Variants in TTC23L observed in about 807,000 individuals in gnomAD.
TTC23L encodes the protein tetratricopeptide repeat protein 23-like.
A neutral mutation model predicts 48.1 loss-of-function variants in TTC23L; 42 were observed. The observed-to-expected ratio is 0.87, with a 90% CI of 0.68 to 1.13. The LOEUF is 1.13. Ranked by LOEUF, TTC23L falls within the 50% of genes most tolerant of loss-of-function variation. The probability of loss-of-function intolerance (pLI) is 0.00; values close to 1 mark genes in which losing one functional copy is unlikely to be tolerated. For missense variants in TTC23L, 391 were observed against 421.0 expected, an observed-to-expected ratio of 0.93 and a Z score of 0.62; for synonymous variants, 159 against 157.2, an observed-to-expected ratio of 1.01 and a Z score of -0.09.
At chr5:34,847,480 GTTTT>G (rs3996923) in intron 3 of TTC23L, among the ~76,000 whole-genome samples, 51 of 146,328 alleles carry the variant, frequency 3.5e-4, no homozygotes, top group African/African-American at 8.5e-4. Context: ...CAATAACGCT[GTTTT>G]TTTTTTTTTT....
At chr5:34,840,693 A>G (rs1178048897) in exon 2 of TTC23L, 1 of 1,613,994 alleles carries the variant, frequency 6.2e-7, no homozygotes, top group Non-Finnish European at 8.5e-7. Flanking sequence ...CCCCATCCGT[A>G]TCCCAACTGT....
the TTC23L span, among the ~76,000 whole-genome samples, chr5:34,904,838 G>A: frequency 6.6e-6 from 1 of 152,080 alleles, no homozygotes; most frequent in African/African-American, 2.4e-5. Flanking sequence ...AGGCCACAGG[G>A]TTTACTAGAT....
intron 8 of TTC23L, among the ~76,000 whole-genome samples, chr5:34,876,809 AG>A (rs1308533026): frequency 6.9e-6 from 1 of 144,442 alleles, no homozygotes; most frequent in Admixed American, 7.0e-5. Flanking sequence ...GGACACAGGG[AG>A]GGGAACATCA....
intron 9 of TTC23L, among the ~76,000 whole-genome samples, chr5:34,894,883 AATG>A (rs79554898): frequency 0.14 from 21,423 of 150,816 alleles, 1,632 homozygotes; most frequent in Middle Eastern, 0.24. Context: ...TGAGAGTGTT[AATG>A]ATGATGATGA....
chr5:34,840,242 G>GGT (rs1554016506), intron 1 of TTC23L, among the ~76,000 whole-genome samples: 3 of 143,082 alleles, frequency 2.1e-5, no homozygotes, highest in Non-Finnish European at 3.1e-5. Flanking sequence ...GACCCCGGGG[G>GGT]GGGGGGGGAA....
chr5:34,851,562 T>C (rs1001410720), intron 4 of TTC23L, among the ~76,000 whole-genome samples: 5 of 152,168 alleles, frequency 3.3e-5, no homozygotes, highest in East Asian at 1.9e-4. Flanking sequence ...AGAACACGTG[T>C]TGTGTTCTGA....
chr5:34,862,869 T>G (rs746342208), intron 4 of TTC23L, 29 bp from the exon 5 acceptor site: 9 of 1,612,206 alleles, frequency 5.6e-6, no homozygotes, highest in South Asian at 1.1e-5. Context: ...ATGTCTGTCT[T>G]CTTGCTCCTC....
In TTC23L at chr5:34,897,241, C is replaced by T. The variant is rs1048685038; in HGVS notation, c.*97+366C>T. 5.3e-5 allele frequency among the ~76,000 whole-genome samples: 8 copies of T among 151,760 alleles called. No individual in the cohort carries two copies. The South Asian group carries it at 1.7e-3, about 32-fold the overall frequency. ...CTCTACTAAAATACAAAAAATTAGC[C>T]GGGCGTGGTAGCATGCGCCTGTAGT... On this transcript the variant is annotated intron_variant, in intron 10 of 10. Coordinates refer to ENST00000505624, the Ensembl canonical transcript of TTC23L.
Position 34,863,097 on chromosome 5 carries a change from G to GGCCACACAT in TTC23L, c.536+48_536+56dup. On this transcript the variant is annotated intron_variant, in intron 5 of 10. Coordinates refer to ENST00000505624, the Ensembl canonical transcript of TTC23L. The surrounding 1 kb of genome is among the most constrained non-coding windows in gnomAD (Gnocchi z 4.1). Reference sequence around the variant, plus strand: ...GCTGCGTTTAGTGTTCGGGGCCACAGGCCACACATGCCAGATGGGTCATCT... The same window carrying GGCCACACAT: ...GCTGCGTTTAGTGTTCGGGGCCACAGGCCACACATGCCACACATGCCAGATGGGTCATCT... 1.2e-6 allele frequency: 2 copies of GGCCACACAT among 1,610,124 alleles called. No individual in the cohort carries two copies. The highest frequency in any genetic ancestry group is 1.7e-6 in the Non-Finnish European group (2 of 1,177,736).
chr5:34,886,255 T>C (rs1426233668), intron 9 of TTC23L, among the ~76,000 whole-genome samples: 2 of 150,384 alleles, frequency 1.3e-5, no homozygotes, highest in Non-Finnish European at 2.9e-5. Flanking sequence ...AGGTGACACA[T>C]CACAACGGAC....
chr5:34,840,919 G>A (rs1489374716), intron 2 of TTC23L, among the ~76,000 whole-genome samples, 180 bp downstream of exon 2: 2 of 152,024 alleles, frequency 1.3e-5, no homozygotes, highest in East Asian at 1.9e-4. Context: ...GTAGTGGCAC[G>A]CGACTGTAAT....
rs1190121263 is a variant in TTC23L, at chr5:34,863,162, T to TC, written c.536+109dup. The TC allele has an allele frequency of 2.8e-6, 4 of 1,437,686 alleles. No homozygotes were observed. The highest frequency in any genetic ancestry group is 3.8e-6 in the Non-Finnish European group (4 of 1,049,150). The allele number at this position is 1,437,686 out of a possible 1,614,324, so 89.1% of individuals were successfully genotyped here. On this transcript the variant is annotated intron_variant, in intron 5 of 10. Transcript: ENST00000505624. This position sits in a 1 kb window ranked among gnomAD's most constrained non-coding sequence, Gnocchi z 4.1. ...GGAGATGGAACCAAGGCCTTGTAGA[T>TC]CTGTTCCAACATCAAGGCCCTCCAT...
At chr5:34,898,275 C>T (rs1236785062) in intron 10 of TTC23L, among the ~76,000 whole-genome samples, 1 of 152,176 alleles carries the variant, frequency 6.6e-6, no homozygotes, top group Non-Finnish European at 1.5e-5. Flanking sequence ...TGAAAAGCTA[C>T]TACCAAGCTG....
chr5:34,892,327 A>T (rs1762923631), intron 9 of TTC23L, among the ~76,000 whole-genome samples: 1 of 152,238 alleles, frequency 6.6e-6, no homozygotes, highest in Non-Finnish European at 1.5e-5. Flanking sequence ...GCTCCTTGAA[A>T]TCAGAGTTAA....
the TTC23L span, among the ~76,000 whole-genome samples, chr5:34,910,738 G>T: frequency 6.6e-6 from 1 of 152,142 alleles, no homozygotes; most frequent in Non-Finnish European, 1.5e-5. Flanking sequence ...AGCCGGGCCT[G>T]TAATTCTTCT....
At chr5:34,922,613 T>C in the TTC23L span, 1 of 1,595,246 alleles carries the variant, frequency 6.3e-7, no homozygotes. Flanking sequence ...TAAATTTTTT[T>C]AGATGAGGAA....
chr5:34,896,076 T>C lies in TTC23L; in HGVS notation c.1078-694T>C, dbSNP rs114673273. ...AGGATTCTAGGACTAGCTGGAGGCA[T>C]TGGGGCAGGTAGAGAAGTGAAAACT... is the stretch of plus-strand genomic sequence containing the variant. On this transcript the variant is annotated intron_variant, in intron 9 of 10. Coordinates refer to ENST00000505624, the Ensembl canonical transcript of TTC23L. Among the ~76,000 whole-genome samples, 1,520 of 152,270 alleles carry C rather than the reference T, an allele frequency of 1.0e-2. 25 individuals are homozygous for C. Among genetic ancestry groups the C allele is most frequent in the African/African-American group, 0.035 (1,473 of 41,552 alleles).
rs191326578 is a variant in TTC23L, at chr5:34,869,321, G to A, written c.949+308G>A. On this transcript the variant is annotated intron_variant, in intron 8 of 10. Transcript: ENST00000505624. ...CTGTGAATGTGGCCTGTGCAGTATC[G>A]GTTGATAAGGACATCCAGTGATAAA... 4.1e-3 allele frequency: 1,078 copies of A among 265,906 alleles called. 2 individuals carry two copies. Among genetic ancestry groups the A allele is most frequent in the Non-Finnish European group, 5.5e-3 (737 of 133,702 alleles). The allele number at this position is 265,906 out of a possible 1,614,324, so 16.5% of individuals were successfully genotyped here. A position where few individuals can be genotyped will look rare whatever the true frequency, so the allele number is the denominator to read the frequency against.
chr5:34,918,178 C>G, the TTC23L span: 1 of 380,830 alleles, frequency 2.6e-6, no homozygotes. Flanking sequence ...GACATGGTGG[C>G]ACATGCCTGT....
Sources: allele counts gnomAD v4.1 joint callset (sites outside exome capture counted in the v4.1 genomes callset), GRCh38; gene constraint gnomAD v4.1.1; non-coding constraint Gnocchi (gnomAD v3.1); transcripts MANE v1.5; gene names NCBI Gene and HGNC (gene_info 2026-07-23, HGNC 2026-07-21).